Variants in AR observed in about 807,000 individuals in gnomAD.
AR encodes the protein androgen receptor.
AR carries 8 observed loss-of-function variants against 53.9 expected under a neutral mutation model. The observed-to-expected ratio is 0.15, with a 90% CI of 0.09 to 0.27. AR has a LOEUF of 0.27. Ranked by LOEUF, AR falls within the 10% of genes least tolerant of loss-of-function variation. AR has a pLI of 1.00. For missense variants in AR, 639 were observed against 742.5 expected, an observed-to-expected ratio of 0.86 and a Z score of 1.62; for synonymous variants, 359 against 316.4, an observed-to-expected ratio of 1.13 and a Z score of -1.43.
chrX:67,588,849 C>T (rs1261746547), intron 1 of AR, among the ~76,000 whole-genome samples: 1 of 112,307 alleles, frequency 8.9e-6, no homozygotes, highest in Admixed American at 9.4e-5. Context: ...ATTCTGTCTA[C>T]CTTTCTTATC....
chrX:67,598,303 G>A (rs1923176244), intron 1 of AR, among the ~76,000 whole-genome samples: 1 of 100,595 alleles, frequency 9.9e-6, no homozygotes, highest in South Asian at 4.8e-4. Flanking sequence ...TTTTTTTTGA[G>A]ACGGAGTCTT....
At chrX:67,698,412 G>A (rs748649257) in intron 3 of AR, among the ~76,000 whole-genome samples, 2 of 112,901 alleles carry the variant, frequency 1.8e-5, no homozygotes, top group East Asian at 2.8e-4. Flanking sequence ...GAAAATTGAC[G>A]TAGACTGCCC....
chrX:67,663,471 G>A (rs887629475), intron 2 of AR, among the ~76,000 whole-genome samples: 7 of 112,451 alleles, frequency 6.2e-5, no homozygotes, highest in African/African-American at 2.3e-4. Context: ...CTTCTGGCTT[G>A]TAGAGTTTCT....
At chrX:67,637,735 C>T (rs1455957850) in intron 1 of AR, among the ~76,000 whole-genome samples, 1 of 111,162 alleles carries the variant, frequency 9.0e-6, no homozygotes, top group African/African-American at 3.3e-5. Context: ...ACTTTATAGC[C>T]ATTGAACAGC....
At chrX:67,656,054 G>A (rs1926571804) in intron 2 of AR, among the ~76,000 whole-genome samples, 1 of 111,936 alleles carries the variant, frequency 8.9e-6, no homozygotes, top group Non-Finnish European at 1.9e-5. Context: ...AAAGAAAGTT[G>A]GCTAGAGTGA....
rs1929736494 is a variant in AR, at chrX:67,546,312, T to G, written c.1166T>G (p.Leu389Arg). ...PPPHPHARIK[L>R]ENPLDYGSAW... Reference sequence around the variant, plus strand: ...CCCCATCCCCACGCTCGCATCAAGCTGGAGAACCCGCTGGACTACGGCAGC... The same window carrying G: ...CCCCATCCCCACGCTCGCATCAAGCGGGAGAACCCGCTGGACTACGGCAGC... Residue 389 changes from leucine (L) to arginine (R), a missense_variant, in exon 1 of 8, where the codon CTG becomes CGG. By Grantham distance (102) the Leu-to-Arg change is moderately radical. Around this residue, in one of 5 missense-constraint regions of AR, gnomAD observed 423 missense variants for 377.0 expected, o/e 1.12. Coordinates refer to ENST00000374690, the MANE Select transcript of AR (RefSeq NM_000044.6). 1 of 1,199,406 alleles carries G rather than the reference T, an allele frequency of 8.3e-7. No individual in the cohort carries two copies. Among genetic ancestry groups the G allele is most frequent in the African/African-American group, 1.7e-5 (1 of 57,497 alleles).
chrX:67,590,762 G>A (rs1010203943), intron 1 of AR, among the ~76,000 whole-genome samples: 3 of 111,798 alleles, frequency 2.7e-5, no homozygotes, highest in African/African-American at 9.8e-5. Flanking sequence ...ATCCTAGTAA[G>A]AAAATTCTCT....
intron 2 of AR, among the ~76,000 whole-genome samples, chrX:67,673,674 G>T (rs1242902429): frequency 9.1e-6 from 1 of 109,734 alleles, no homozygotes; most frequent in African/African-American, 3.3e-5. Context: ...ATATCTGATA[G>T]AATTCTGAAT....
At chrX:67,604,875 C>A (rs1923558206) in intron 1 of AR, among the ~76,000 whole-genome samples, 1 of 111,623 alleles carries the variant, frequency 9.0e-6, no homozygotes, top group African/African-American at 3.3e-5. Flanking sequence ...TCTGCACTCA[C>A]CCTGTTTGAT....
chrX:67,562,140 T>C (rs1921349462), intron 1 of AR, among the ~76,000 whole-genome samples: 2 of 108,361 alleles, frequency 1.8e-5, no homozygotes, highest in South Asian at 4.1e-4. Flanking sequence ...CTTTATTTAT[T>C]TTAGTAGAGA....
At chrX:67,681,464 C>T (rs2075933656) in intron 2 of AR, among the ~76,000 whole-genome samples, 2 of 112,279 alleles carry the variant, frequency 1.8e-5, no homozygotes, top group Admixed American at 9.5e-5. Context: ...ATCACCCACA[C>T]CATATTTCCT....
At chrX:67,586,061 C>G (rs1195150781) in intron 1 of AR, among the ~76,000 whole-genome samples, 1 of 111,416 alleles carries the variant, frequency 9.0e-6, no homozygotes, top group Non-Finnish European at 1.9e-5. Flanking sequence ...AGAGAAGACC[C>G]TTGAAGGACA....
chrX:67,636,291 G>T (rs980618067), intron 1 of AR, among the ~76,000 whole-genome samples: 8 of 111,406 alleles, frequency 7.2e-5, no homozygotes, highest in African/African-American at 2.6e-4. Context: ...CCCCTCAGAG[G>T]TAACCACTAT....
At chrX:67,627,343 T>C (rs1282910072) in intron 1 of AR, among the ~76,000 whole-genome samples, 1 of 112,163 alleles carries the variant, frequency 8.9e-6, no homozygotes, top group African/African-American at 3.2e-5. Context: ...TGAGATGATA[T>C]CTCATTGTGG....
chrX:67,713,288 G>A (rs1313995366), intron 4 of AR, among the ~76,000 whole-genome samples: 1 of 110,682 alleles, frequency 9.0e-6, no homozygotes, highest in South Asian at 3.9e-4. Flanking sequence ...AGCTGAGGTC[G>A]ACTAGCCAAT....
At chrX:67,723,312 C>CTCTG (rs1555997940) in intron 7 of AR, among the ~76,000 whole-genome samples, 6,722 of 77,831 alleles carry the variant, frequency 0.086, 430 homozygotes, top group South Asian at 0.14. Flanking sequence ...GTTTGTCTGT[C>CTCTG]TGTGTGTGTG....
rs763430523 is a variant in AR, at chrX:67,546,133, C to A, written c.987C>A (p.Gly329=). ...AAGGCGAGAGCCTAGGCTGCTCTGG[C>A]AGCGCTGCAGCAGGGAGCTCCGGGA... The part of the protein sequence containing the change: ...GLEGESLGCS[G]SAAAGSSGTL... Residue 329 remains glycine, a synonymous_variant, in exon 1 of 8, where the codon GGC becomes GGA. Coordinates refer to ENST00000374690, the MANE Select transcript of AR (RefSeq NM_000044.6). 1.6e-6 allele frequency: 2 copies of A among 1,212,188 alleles called. No individual in the cohort carries two copies. Among genetic ancestry groups the A allele is most frequent in the Non-Finnish European group, 2.2e-6 (2 of 895,530 alleles).
At chrX:67,596,224 T>C (rs1217358338) in intron 1 of AR, among the ~76,000 whole-genome samples, 1 of 109,992 alleles carries the variant, frequency 9.1e-6, no homozygotes, top group Non-Finnish European at 1.9e-5. Flanking sequence ...TGCAAAGCCA[T>C]GAGCCAATTA....
chrX:67,653,556 G>A (rs1361039), intron 2 of AR, among the ~76,000 whole-genome samples: 1,301 of 111,372 alleles, frequency 0.012, 13 homozygotes, highest in Middle Eastern at 0.019. Flanking sequence ...GTGAAAGTGG[G>A]AGGCTTGTTT....
Sources: allele counts gnomAD v4.1 joint callset (sites outside exome capture counted in the v4.1 genomes callset), GRCh38; gene constraint gnomAD v4.1.1; regional missense constraint gnomAD v4.1.1; transcripts MANE v1.5; gene names NCBI Gene and HGNC (gene_info 2026-07-23, HGNC 2026-07-21).